Variants in VWDE observed in about 807,000 individuals in gnomAD.
VWDE encodes von Willebrand factor D and EGF domains.
A neutral mutation model predicts 178.4 loss-of-function variants in VWDE; 207 were observed. That is an observed-to-expected ratio of 1.16 (90% confidence interval 1.04 to 1.30). VWDE has a LOEUF of 1.30. Ranked by LOEUF, VWDE falls within the 50% of genes most tolerant of loss-of-function variation. The pLI is 0.00. For synonymous variants in VWDE, 738 were observed against 651.4 expected (o/e 1.13, Z -2.02); for missense variants, 2,287 against 1,901.3 (o/e 1.20, Z -3.77).
At chr7:12,339,780 T>C (rs1217457779) in intron 24 of VWDE, among the ~76,000 whole-genome samples, 1 of 152,148 alleles carries the variant, frequency 6.6e-6, no homozygotes, top group East Asian at 1.9e-4. Flanking sequence ...GACATCCCCA[T>C]TATTCCGAAA....
chr7:12,361,296 T>C, intron 14 of VWDE, 45 bp from the exon 15 acceptor site: 1 of 1,536,148 alleles, frequency 6.5e-7, no homozygotes, highest in Non-Finnish European at 8.8e-7. Context: ...TTCTAAATGT[T>C]CTAAATTCAT....
rs1359020711 is a variant in VWDE at position 12,372,950 on chromosome 7, C to A, written c.1587+27G>T. 1.1e-5 allele frequency: 17 copies of A among 1,535,124 alleles called. No individual in the cohort carries two copies. In the South Asian group the frequency reaches 1.9e-4, roughly 17 times the overall value. ...TCTGAAAGGAGAAAAAGGAAAAATA[C>A]TTTCAATGTTAAAGAATCATACATA... On this transcript the variant is annotated intron_variant, in intron 10 of 28. Coordinates refer to ENST00000275358, the MANE Select transcript of VWDE (RefSeq NM_001135924.3).
At chr7:12,374,891 T>A (rs980287724) in intron 8 of VWDE, 119 bp downstream of exon 8, 7 of 1,186,168 alleles carry the variant, frequency 5.9e-6, no homozygotes, top group Non-Finnish European at 7.0e-6. Context: ...GAAAATTGAA[T>A]CATTTAAAAA....
intron 16 of VWDE, among the ~76,000 whole-genome samples, chr7:12,358,394 G>T (rs150661674): frequency 4.6e-5 from 7 of 151,518 alleles, no homozygotes; most frequent in East Asian, 1.9e-4. Flanking sequence ...AGGTGGGGGG[G>T]GCTATTTTAG....
chr7:12,347,653 G>A (rs939480406), intron 19 of VWDE, among the ~76,000 whole-genome samples: 1 of 151,982 alleles, frequency 6.6e-6, no homozygotes, highest in African/African-American at 2.4e-5. Context: ...ACTGCCCAAG[G>A]TAATTTATAG....
In VWDE at chr7:12,370,367, C is replaced by T; in HGVS notation, c.1939G>A (p.Ala647Thr). 1 of 1,550,946 alleles carries T rather than the reference C, an allele frequency of 6.4e-7. No individual in the cohort carries two copies. Among genetic ancestry groups the T allele is most frequent in the African/African-American group, 1.4e-5 (1 of 73,090 alleles). ...TGATTGAGGTCTTTGCAACCCAAGG[C>T]AATTTCTGATCGAGAAACACTGTCC... ...DLDSVSRSEI[A>T]LGCKDLNHVS... The change falls in exon 12 of 29, where the codon GCC becomes ACC. Residue 647 changes from alanine to threonine, a missense_variant. Ala to Thr is a moderately conservative substitution (Grantham distance 58, BLOSUM62 0). Transcript: ENST00000275358.
chr7:12,331,230 G>T, intron 28 of VWDE, 33 bp from the exon 29 acceptor site: 1 of 1,529,552 alleles, frequency 6.5e-7, no homozygotes. Flanking sequence ...GTGTTTCAAT[G>T]AATAGTATAA....
chr7:12,371,009 C>G (rs887372633), intron 10 of VWDE, 145 bp from the exon 11 acceptor site: 1 of 716,842 alleles, frequency 1.4e-6, no homozygotes, highest in Non-Finnish European at 2.0e-6. Context: ...TTGACTACAA[C>G]TTTCCTCTTA....
intron 22 of VWDE, among the ~76,000 whole-genome samples, chr7:12,342,469 A>G (rs901973298): frequency 2.0e-5 from 3 of 152,138 alleles, no homozygotes; most frequent in African/African-American, 7.2e-5. Flanking sequence ...AAAGAAATTT[A>G]TATGCAATTT....
In VWDE at chr7:12,340,427, AG is replaced by A; in HGVS notation, c.4271-11del. On this transcript the variant is annotated splice_polypyrimidine_tract_variant and intron_variant, in intron 23 of 28. Transcript: ENST00000275358. Reference sequence around the variant, plus strand: ...ACAGGGTCGCACAAAGCTAATAAACAGCAGGAGGAAAAGAGAACATAAAAGT... The same window carrying A: ...ACAGGGTCGCACAAAGCTAATAAACACAGGAGGAAAAGAGAACATAAAAGT... The A allele has an allele frequency of 6.5e-7, 1 of 1,541,490 alleles. No homozygotes were observed. Among genetic ancestry groups the A allele is most frequent in the Non-Finnish European group, 8.8e-7 (1 of 1,140,634 alleles).
intron 28 of VWDE, 131 bp from the exon 29 acceptor site, chr7:12,331,328 CA>C: frequency 1.7e-6 from 1 of 593,992 alleles, no homozygotes; most frequent in Admixed American, 3.5e-5. Flanking sequence ...CCACTAGACT[CA>C]ATACTGTTTT....
chr7:12,380,063 C>T (rs886724129), intron 5 of VWDE, among the ~76,000 whole-genome samples: 1 of 151,172 alleles, frequency 6.6e-6, no homozygotes, highest in Non-Finnish European at 1.5e-5. Context: ...GAGATCGCGC[C>T]ACTGCACTCC....
At chr7:12,331,694 T>C (rs1780729519) in intron 28 of VWDE, among the ~76,000 whole-genome samples, 1 of 152,092 alleles carries the variant, frequency 6.6e-6, no homozygotes, top group Non-Finnish European at 1.5e-5. Flanking sequence ...AGCCTAACAT[T>C]AGGTGCTACT....
chr7:12,393,574 T>C lies in VWDE; in HGVS notation c.243+20A>G. ...AACACATAAGGAAAATAACATGCAG[T>C]ACTTAGGGAGTTGACATACCTCAAC... On this transcript the variant is annotated intron_variant, in intron 2 of 28. Transcript: ENST00000275358. 1 of 1,518,008 alleles carries C rather than the reference T, an allele frequency of 6.6e-7. No homozygotes were observed. Among genetic ancestry groups the C allele is most frequent in the Non-Finnish European group, 8.8e-7 (1 of 1,130,246 alleles). 94.0% of individuals were successfully genotyped at this position (1,518,008 alleles called of 1,614,324 possible).
At chr7:12,395,477 T>G (rs2128563372) in intron 1 of VWDE, among the ~76,000 whole-genome samples, 1 of 152,266 alleles carries the variant, frequency 6.6e-6, no homozygotes, top group East Asian at 1.9e-4. Flanking sequence ...AGTTCTTACA[T>G]TTCTTCTGGT....
At chr7:12,340,122 G>A (rs924861477) in intron 24 of VWDE, among the ~76,000 whole-genome samples, 200 bp downstream of exon 24, 3 of 152,032 alleles carry the variant, frequency 2.0e-5, no homozygotes, top group Non-Finnish European at 4.4e-5. Flanking sequence ...TCAATATATC[G>A]AGTAAATATA....
At chr7:12,399,279 G>A (rs1044448826) in intron 1 of VWDE, among the ~76,000 whole-genome samples, 39 of 152,220 alleles carry the variant, frequency 2.6e-4, no homozygotes, top group African/African-American at 9.1e-4. Context: ...TGGTGTGGCT[G>A]TACTACTATC....
chr7:12,396,754 T>TAAA (rs60278932), intron 1 of VWDE, among the ~76,000 whole-genome samples: 1 of 140,036 alleles, frequency 7.1e-6, no homozygotes, highest in Admixed American at 7.3e-5. Context: ...CATCTCTACT[T>TAAA]AAAAAAAAAA....
At chr7:12,387,846 G>A (rs1420191892) in intron 3 of VWDE, among the ~76,000 whole-genome samples, 1 of 151,930 alleles carries the variant, frequency 6.6e-6, no homozygotes, top group Non-Finnish European at 1.5e-5. Context: ...CCTATATATG[G>A]TTGAACCCAG....
Sources: allele counts gnomAD v4.1 joint callset (sites outside exome capture counted in the v4.1 genomes callset), GRCh38; gene constraint gnomAD v4.1.1; transcripts MANE v1.5; gene names NCBI Gene and HGNC (gene_info 2026-07-23, HGNC 2026-07-21).